Variants in PDE4DIP observed in about 807,000 individuals in gnomAD.
PDE4DIP encodes myomegalin.
In PDE4DIP, 59 loss-of-function variants were observed where a neutral mutation model predicts 221.4. That is an observed-to-expected ratio of 0.27 (90% CI 0.22 to 0.33). The LOEUF (loss-of-function observed/expected upper bound fraction) is 0.33. Ranked by LOEUF, PDE4DIP falls within the 10% of genes least tolerant of loss-of-function variation. PDE4DIP has a pLI of 1.00. For missense variants in PDE4DIP, 1,036 were observed against 2,154.2 expected, an observed-to-expected ratio of 0.48 and a Z score of 10.28; for synonymous variants, 404 against 815.9, an observed-to-expected ratio of 0.50 and a Z score of 8.60.
intron 21 of PDE4DIP, chr1:148,981,669 A>G: frequency 2.5e-6 from 1 of 399,312 alleles, no homozygotes; most frequent in Non-Finnish European, 4.7e-6. Context: ...GTATTTGCAC[A>G]TTTTAAATCA....
intron 1 of PDE4DIP, among the ~76,000 whole-genome samples, chr1:148,915,238 C>T (rs1191800490): frequency 1.3e-5 from 2 of 152,126 alleles, no homozygotes; most frequent in Non-Finnish European, 2.9e-5. Context: ...ACCTCTGCCT[C>T]CTGGGTTCAA....
chr1:148,936,993 G>T (rs2049336194), intron 4 of PDE4DIP, among the ~76,000 whole-genome samples: 1 of 152,188 alleles, frequency 6.6e-6, no homozygotes, highest in Non-Finnish European at 1.5e-5. Context: ...GACAATGAAA[G>T]TATAGTAAAT....
intron 31 of PDE4DIP, among the ~76,000 whole-genome samples, chr1:149,011,078 G>A (rs1553605017): frequency 6.6e-6 from 1 of 152,010 alleles, no homozygotes; most frequent in African/African-American, 2.4e-5. Context: ...ATTAATGGAT[G>A]TATGAATGGA....
intron 22 of PDE4DIP, among the ~76,000 whole-genome samples, chr1:148,997,826 A>G (rs1295013175): frequency 6.6e-6 from 1 of 152,164 alleles, no homozygotes; most frequent in Non-Finnish European, 1.5e-5. Context: ...GAATCACCGT[A>G]TTCACACCCT....
intron 2 of PDE4DIP, chr1:148,930,655 G>C (rs1573645845): frequency 6.8e-6 from 1 of 148,116 alleles, no homozygotes; most frequent in Non-Finnish European, 1.5e-5. Flanking sequence ...GGAGGTGAAA[G>C]ATCTCTACAA....
In PDE4DIP at chr1:149,018,291, A is replaced by G. The variant is rs112011713; in HGVS notation, c.5651-251A>G. 8.2e-3 allele frequency: 3,530 copies of G among 433,122 alleles called. 89 individuals carry two copies. Among genetic ancestry groups the G allele is most frequent in the African/African-American group, 0.063 (3,233 of 50,928 alleles). 26.8% of individuals were successfully genotyped at this position (433,122 alleles called of 1,614,324 possible). A position where few individuals can be genotyped will look rare whatever the true frequency, so the allele number is the denominator to read the frequency against. The stretch of plus-strand genomic sequence containing the variant: ...CTTTCCATATGTTGTTGTCCTGCCT[A>G]TACCACAGCAGCAGCTGTTTAGGGA... On this transcript the variant is annotated intron_variant, in intron 34 of 43. Coordinates refer to ENST00000369354, the Ensembl canonical transcript of PDE4DIP.
intron 1 of PDE4DIP, among the ~76,000 whole-genome samples, chr1:148,850,633 TA>T (rs1224868361): frequency 1.4e-5 from 1 of 73,436 alleles, no homozygotes; most frequent in African/African-American, 4.0e-5. Flanking sequence ...GACTGAAGGT[TA>T]AAAAAGGAAA....
chr1:148,862,292 A>G (rs1461115534), intron 1 of PDE4DIP, among the ~76,000 whole-genome samples: 1 of 150,778 alleles, frequency 6.6e-6, no homozygotes, highest in Non-Finnish European at 1.5e-5. Flanking sequence ...GCTCACTGCT[A>G]CATTTGTGGA....
upstream of PDE4DIP, among the ~76,000 whole-genome samples, chr1:148,885,350 A>G (rs2922969): frequency 2.0e-5 from 3 of 152,192 alleles, no homozygotes; most frequent in South Asian, 2.1e-4. Context: ...CTAGAGAAAG[A>G]GCAGCCAGGC....
At chr1:149,028,787 T>C in intron 41 of PDE4DIP, 84 bp downstream of exon 44, 3 of 765,134 alleles carry the variant, frequency 3.9e-6, no homozygotes, top group Non-Finnish European at 6.4e-6. Flanking sequence ...TCACAGCTTT[T>C]CCAGAAAATC....
rs1428776931 is a variant in PDE4DIP at position 148,999,596 on chromosome 1, T to C, written c.3137+1221T>C. 3.2e-4 allele frequency among the ~76,000 whole-genome samples: 48 copies of C among 152,050 alleles called. No individual in the cohort carries two copies. In the East Asian group the frequency reaches 4.5e-3, roughly 14 times the overall value. On this transcript the variant is annotated intron_variant, in intron 23 of 43. Transcript: ENST00000369354. ...TTGTTCTAAGTGCTGATTCTTTTGC[T>C]CTGAATTATCATAATAACTTTTTCC...
intron 4 of PDE4DIP, among the ~76,000 whole-genome samples, chr1:148,934,284 G>A (rs1413296549): frequency 6.6e-6 from 1 of 151,760 alleles, no homozygotes; most frequent in Non-Finnish European, 1.5e-5. Flanking sequence ...TCCCTACTAG[G>A]TTCCCCAAGA....
chr1:148,820,955 C>A (rs1315683779), intron 1 of PDE4DIP, among the ~76,000 whole-genome samples: 2 of 149,768 alleles, frequency 1.3e-5, no homozygotes, highest in Non-Finnish European at 3.0e-5. Context: ...GGGTTCACGC[C>A]ATTGTCTTGC....
At chr1:148,944,020 C>A (rs1187922236) in intron 5 of PDE4DIP, among the ~76,000 whole-genome samples, 1 of 152,204 alleles carries the variant, frequency 6.6e-6, no homozygotes, top group Non-Finnish European at 1.5e-5. Flanking sequence ...AGGATTTCAA[C>A]ATATGAATTT....
intron 23 of PDE4DIP, chr1:148,999,041 C>T (rs781992431): frequency 1.5e-5 from 2 of 131,172 alleles, no homozygotes; most frequent in Non-Finnish European, 3.2e-5. Context: ...CCACCGCACC[C>T]GGCTGGAGGG....
intron 21 of PDE4DIP, chr1:148,981,716 C>T: frequency 3.4e-6 from 1 of 297,536 alleles, no homozygotes; most frequent in Non-Finnish European, 6.6e-6. Context: ...TCATTCTTAT[C>T]CCTAGCCCCT....
At chr1:148,857,033 C>T (rs587700655) in intron 1 of PDE4DIP, among the ~76,000 whole-genome samples, 1 of 85,662 alleles carries the variant, frequency 1.2e-5, no homozygotes, top group Non-Finnish European at 2.2e-5. Flanking sequence ...CTGTGAGGAC[C>T]CCAAGAAAGA....
chr1:148,918,622 T>TACACACAC (rs57116412), intron 1 of PDE4DIP, among the ~76,000 whole-genome samples: 1,587 of 91,042 alleles, frequency 0.017, 41 homozygotes, highest in Non-Finnish European at 0.023. Context: ...TCTCTCTCTC[T>TACACACAC]ACACACACAC....
At position 148,968,834 on chromosome 1, in the gene PDE4DIP, A is replaced by C; in HGVS notation, c.1786-2A>C. ...AAGCTTACAGTGTCCTTTCTGCATT[A>C]GGATCTTAGTGCAACACTGCTCTGC... On this transcript the variant is annotated splice_acceptor_variant, in intron 13 of 43. Transcript: ENST00000369354. LOFTEE classifies it high-confidence loss of function. 1.9e-6 allele frequency: 3 copies of C among 1,607,530 alleles called. No individual in the cohort carries two copies. The highest frequency in any genetic ancestry group is 2.6e-6 in the Non-Finnish European group (3 of 1,175,804).
Sources: allele counts gnomAD v4.1 joint callset (sites outside exome capture counted in the v4.1 genomes callset), GRCh38; gene constraint gnomAD v4.1.1; transcripts MANE v1.5; gene names NCBI Gene and HGNC (gene_info 2026-07-23, HGNC 2026-07-21).